Variants in AMN1 observed in about 807,000 individuals in gnomAD.
The protein encoded by AMN1 is antagonist of mitotic exit network 1 homolog.
AMN1 carries 20 observed loss-of-function variants against 33.0 expected under a neutral mutation model. The ratio of observed to expected loss-of-function variants is 0.61; its 90% confidence interval spans 0.43 to 0.88. The LOEUF (loss-of-function observed/expected upper bound fraction) is 0.88, where lower values mean the gene tolerates loss of function less well. AMN1 is among the 40% of genes least tolerant of loss of function. The pLI is 0.00. For synonymous variants in AMN1, 114 were observed against 111.9 expected, an observed-to-expected ratio of 1.02 and a Z score of -0.12; for missense variants, 246 against 307.4, an observed-to-expected ratio of 0.80 and a Z score of 1.49.
chr12:31,695,487 C>CTTTCCT (rs59342673), intron 5 of AMN1, among the ~76,000 whole-genome samples: 1 of 130,692 alleles, frequency 7.7e-6, no homozygotes, highest in Non-Finnish European at 1.6e-5. Context: ...TTCTTTCTTT[C>CTTTCCT]TTTTTTTTTT....
chr12:31,674,560 T>C (rs570566058), intron 6 of AMN1, among the ~76,000 whole-genome samples: 39 of 152,268 alleles, frequency 2.6e-4, no homozygotes, highest in African/African-American at 9.1e-4. Context: ...ATCAACTGAT[T>C]AGCAACTTTA....
chr12:31,677,944 G>A (rs1334542988), intron 6 of AMN1, among the ~76,000 whole-genome samples: 1 of 152,140 alleles, frequency 6.6e-6, no homozygotes, highest in Non-Finnish European at 1.5e-5. Context: ...TCATTCCAGA[G>A]TGGCCCCGCC....
chr12:31,672,025 A>AATCC lies in AMN1; in HGVS notation c.*275_*278dup. On this transcript the variant is annotated 3_prime_UTR_variant, in exon 7 of 7. Coordinates refer to ENST00000281471, the MANE Select transcript of AMN1 (RefSeq NM_001113402.2). ...AATTTTAAAGTTATTTAAGAAACAG[A>AATCC]ATCCAACACCATAGATCAGAGTTCA... 3.6e-6 allele frequency: 1 copy of AATCC among 276,080 alleles called. No individual in the cohort carries two copies. The highest frequency in any genetic ancestry group is 6.8e-6 in the Non-Finnish European group (1 of 147,686). 17.1% of individuals were successfully genotyped at this position (276,080 alleles called of 1,614,324 possible). A position where few individuals can be genotyped will look rare whatever the true frequency, so the allele number is the denominator to read the frequency against.
chr12:31,706,849 T>G (rs1334738793), intron 2 of AMN1, among the ~76,000 whole-genome samples: 3 of 152,100 alleles, frequency 2.0e-5, no homozygotes, highest in Non-Finnish European at 4.4e-5. Context: ...TACAGAGATA[T>G]GTTCACAGGC....
chr12:31,690,887 G>A (rs1388234133), intron 5 of AMN1, among the ~76,000 whole-genome samples: 4 of 152,162 alleles, frequency 2.6e-5, no homozygotes, highest in African/African-American at 4.8e-5. Flanking sequence ...TGTAATCCCA[G>A]CACTTTGGGA....
chr12:31,673,712 TA>T, intron 6 of AMN1: 6 of 386,780 alleles, frequency 1.6e-5, no homozygotes, highest in Admixed American at 6.7e-5. Flanking sequence ...TAATGTAGAC[TA>T]AAAAATGCTC....
At chr12:31,706,678 G>A (rs1368256161) in intron 2 of AMN1, among the ~76,000 whole-genome samples, 1 of 152,182 alleles carries the variant, frequency 6.6e-6, no homozygotes, top group Non-Finnish European at 1.5e-5. Context: ...CTGTTTAGCA[G>A]AACAAAGAGT....
chr12:31,678,502 C>T (rs1416081201), intron 6 of AMN1, among the ~76,000 whole-genome samples: 13 of 151,798 alleles, frequency 8.6e-5, no homozygotes, highest in Non-Finnish European at 5.9e-5. Context: ...GTTCAAGTGA[C>T]TCTCCTGCCT....
upstream of AMN1, chr12:31,729,041 C>T (rs1182288951): frequency 3.3e-6 from 5 of 1,525,620 alleles, no homozygotes; most frequent in Non-Finnish European, 3.5e-6. Flanking sequence ...TCCGCGGTCC[C>T]AGGGCCTCCA....
At chr12:31,679,826 T>G (rs1937914740) in intron 6 of AMN1, among the ~76,000 whole-genome samples, 1 of 152,094 alleles carries the variant, frequency 6.6e-6, no homozygotes, top group African/African-American at 2.4e-5. Context: ...TGAATTAAAA[T>G]GCTTTAGTAA....
intron 1 of AMN1, among the ~76,000 whole-genome samples, chr12:31,718,713 A>C (rs1299810192): frequency 6.6e-6 from 1 of 152,156 alleles, no homozygotes; most frequent in Non-Finnish European, 1.5e-5. Flanking sequence ...TCCACTCCAG[A>C]CCCTGTTTGC....
In AMN1 at chr12:31,729,017, C is replaced by G. The variant is rs1360465082; in HGVS notation, c.-9G>C. The G allele has an allele frequency of 2.6e-6, 4 of 1,541,086 alleles. No homozygotes were observed. The South Asian group carries it at 4.8e-5, about 18-fold the overall frequency. On this transcript the variant is annotated 5_prime_UTR_variant, in exon 1 of 7. Transcript: ENST00000281471. ...CGCCGTGGGCGAGGCATCGCTGCAG[C>G]GTCTGAAGCCTCTTCCGCGGTCCCA...
At chr12:31,673,717 A>C (rs1400786759) in intron 6 of AMN1, 1 of 384,102 alleles carries the variant, frequency 2.6e-6, no homozygotes, top group African/African-American at 2.1e-5. Context: ...TAGACTAAAA[A>C]ATGCTCAACA....
At chr12:31,711,909 A>G (rs1471827439) in intron 1 of AMN1, among the ~76,000 whole-genome samples, 4 of 152,066 alleles carry the variant, frequency 2.6e-5, no homozygotes, top group Middle Eastern at 3.4e-3. Context: ...CTCTATCTTC[A>G]TGATATCCAC....
intron 6 of AMN1, among the ~76,000 whole-genome samples, chr12:31,686,926 G>T (rs1012067195): frequency 6.6e-6 from 1 of 152,156 alleles, no homozygotes; most frequent in Non-Finnish European, 1.5e-5. Flanking sequence ...ATACAAAAGG[G>T]TATACAATGA....
intron 4 of AMN1, 52 bp from the exon 5 acceptor site, chr12:31,697,469 G>T: frequency 6.4e-7 from 1 of 1,555,026 alleles, no homozygotes; most frequent in South Asian, 1.2e-5. Context: ...AACGGAAGTA[G>T]AATTTTCCAA....
chr12:31,682,388 A>G (rs978582086), intron 6 of AMN1, among the ~76,000 whole-genome samples: 1 of 152,026 alleles, frequency 6.6e-6, no homozygotes, highest in Non-Finnish European at 1.5e-5. Flanking sequence ...ACAGCATGAG[A>G]CCTTCCAAAG....
intron 1 of AMN1, chr12:31,714,368 C>G (rs1215272227): frequency 6.6e-6 from 1 of 152,150 alleles, no homozygotes; most frequent in Non-Finnish European, 1.5e-5. Context: ...ACTCTGTTGC[C>G]CAGGCTGGAG....
intron 6 of AMN1, among the ~76,000 whole-genome samples, chr12:31,680,014 T>C (rs1467006116): frequency 6.7e-6 from 1 of 149,346 alleles, no homozygotes; most frequent in Non-Finnish European, 1.5e-5. Flanking sequence ...TGATCCCAAC[T>C]CAGGAGGCTG....
Sources: allele counts gnomAD v4.1 joint callset (sites outside exome capture counted in the v4.1 genomes callset), GRCh38; gene constraint gnomAD v4.1.1; transcripts MANE v1.5; gene names NCBI Gene and HGNC (gene_info 2026-07-23, HGNC 2026-07-21).